SORBS2: variants seen among roughly 807,000 people sequenced by gnomAD.
SORBS2 encodes the protein sorbin and SH3 domain containing 2, also known as sorbin and SH3 domain-containing protein 2.
SORBS2 carries 46 observed loss-of-function variants against 97.7 expected under a neutral mutation model. The observed-to-expected ratio is 0.47, with a 90% CI of 0.37 to 0.60. SORBS2 has a LOEUF of 0.60. SORBS2 is among the 20% of genes least tolerant of loss of function. The pLI is 0.00. For synonymous variants in SORBS2, 476 were observed against 473.4 expected (o/e 1.01, Z -0.07); for missense variants, 1,316 against 1,282.3 (o/e 1.03, Z -0.40).
At chr4:185,661,269 C>A (rs1048276401), upstream of SORBS2, among the ~76,000 whole-genome samples, 38 of 116,316 alleles carry the variant, frequency 3.3e-4, no homozygotes, top group African/African-American at 1.1e-3. Flanking sequence ...GAGTGAGACT[C>A]CATCTTGAAA....
chr4:185,646,934 C>A (rs1004616868), intron 3 of SORBS2, 152 bp from the exon 13 acceptor site: 2 of 601,328 alleles, frequency 3.3e-6, no homozygotes, highest in Non-Finnish European at 5.9e-6. Context: ...ATACCACATT[C>A]CCCCGCCACT....
Position 185,928,670 on chromosome 4 carries a change from C to T in SORBS2, c.-338+27526G>A, listed in dbSNP as rs192072424. Among the ~76,000 whole-genome samples the T allele has an allele frequency of 3.9e-3, 590 of 152,168 alleles. 3 individuals are homozygous for T. The highest frequency in any genetic ancestry group is 6.1e-3 in the Non-Finnish European group (416 of 68,002). Reference sequence around the variant, plus strand: ...ATGCCATTCTCCTGCCTCATCCTCCCGAGTAGCTGGGACTACAGGCGCCTG... The same window carrying T: ...ATGCCATTCTCCTGCCTCATCCTCCTGAGTAGCTGGGACTACAGGCGCCTG... On this transcript the variant is annotated intron_variant, in intron 1 of 20. Transcript: ENST00000284776.
intron 2 of SORBS2, among the ~76,000 whole-genome samples, chr4:185,683,741 G>A (rs142695464): frequency 5.1e-4 from 77 of 152,204 alleles, no homozygotes; most frequent in African/African-American, 1.8e-3. Flanking sequence ...GTGGATTAGA[G>A]GTGGTGAACG....
At chr4:185,681,707 T>A (rs1469636656) in intron 2 of SORBS2, among the ~76,000 whole-genome samples, 2 of 152,208 alleles carry the variant, frequency 1.3e-5, no homozygotes, top group Non-Finnish European at 2.9e-5. Context: ...TTTCCTTGTG[T>A]CGAGGCACAA....
rs141803731 is a variant in SORBS2, at chr4:185,606,110, G to A, written c.2796+5670C>T. On this transcript the variant is annotated intron_variant, in intron 12 of 14. Transcript: ENST00000418609. This position sits in a 1 kb window ranked among gnomAD's most constrained non-coding sequence, Gnocchi z 4.3. ...AGCATTATTATTTTTGCAAAGTGCC[G>A]TTATGTCAAAGGTATGGTGTACAGT... 2.7e-4 allele frequency: 264 copies of A among 985,326 alleles called. No homozygotes were observed. Among genetic ancestry groups the A allele is most frequent in the Admixed American group, 1.0e-3 (17 of 16,280 alleles). The allele number at this position is 985,326 out of a possible 1,614,324, so 61.0% of individuals were successfully genotyped here.
At chr4:185,890,176 C>T (rs192394590) in intron 1 of SORBS2, among the ~76,000 whole-genome samples, 1 of 152,174 alleles carries the variant, frequency 6.6e-6, no homozygotes, top group Non-Finnish European at 1.5e-5. Flanking sequence ...TGTGAGCCAC[C>T]GCACCTGGAC....
intron 1 of SORBS2, among the ~76,000 whole-genome samples, chr4:185,879,190 C>T (rs1469727345): frequency 7.5e-6 from 1 of 132,962 alleles, no homozygotes; most frequent in Non-Finnish European, 1.6e-5. Context: ...CCACGACAGG[C>T]CCCGGTGTGT....
At chr4:185,868,546 C>T (rs370887422) in intron 1 of SORBS2, among the ~76,000 whole-genome samples, 3 of 151,966 alleles carry the variant, frequency 2.0e-5, no homozygotes, top group Admixed American at 2.0e-4. Context: ...AGGGAAAAAA[C>T]GAAGACGACA....
intron 4 of SORBS2, among the ~76,000 whole-genome samples, chr4:185,633,976 T>C (rs2096951604): frequency 6.6e-6 from 1 of 152,200 alleles, no homozygotes; most frequent in South Asian, 2.1e-4. Context: ...CTGCAGATAT[T>C]AAGGTAACAT....
rs910628783 is a variant in SORBS2 at position 185,944,275 on chromosome 4, C to T, written c.-338+11921G>A. ...GGCCCCAAATAGAGATGAGAAGCAC[C>T]CACTTAAAGCCACTGTGTGGCCACT... is the stretch of plus-strand genomic sequence containing the variant. On this transcript the variant is annotated intron_variant, in intron 1 of 20. Transcript: ENST00000284776. Among the ~76,000 whole-genome samples the T allele has an allele frequency of 2.0e-5, 3 of 152,118 alleles. No homozygotes were observed. In the East Asian group the frequency reaches 5.8e-4, roughly 29 times the overall value.
chr4:185,944,145 C>G (rs1363816095), intron 1 of SORBS2, among the ~76,000 whole-genome samples: 1 of 152,162 alleles, frequency 6.6e-6, no homozygotes, highest in Non-Finnish European at 1.5e-5. Flanking sequence ...ATATGCTTCA[C>G]ACAGGAAAGC....
chr4:185,866,582 A>G (rs774624963), intron 1 of SORBS2, among the ~76,000 whole-genome samples: 15 of 152,208 alleles, frequency 9.9e-5, no homozygotes, highest in Non-Finnish European at 1.8e-4. Flanking sequence ...TTTAGTTCAA[A>G]TCATTAGAAA....
At chr4:185,792,072 T>G (rs549754677) in intron 1 of SORBS2, among the ~76,000 whole-genome samples, 1 of 152,342 alleles carries the variant, frequency 6.6e-6, no homozygotes, top group Admixed American at 6.5e-5. Context: ...GGTTAAAAAT[T>G]TGTTTTCTAT....
In SORBS2 at chr4:185,607,327, G is replaced by A. The variant is rs1259845615; in HGVS notation, c.2796+4453C>T. On this transcript the variant is annotated intron_variant, in intron 12 of 14. Transcript: ENST00000418609. The surrounding 1 kb of genome is among the most constrained non-coding windows in gnomAD (Gnocchi z 5.2). ...AGGTGAGACTTTGTGGGTGGGAGGA[G>A]GGGCTGGTTCACTGGAAGCCAACTT... 4.7e-6 allele frequency: 6 copies of A among 1,287,010 alleles called. No homozygotes were observed. The highest frequency in any genetic ancestry group is 1.2e-5 in the South Asian group (1 of 80,924). 79.7% of individuals were successfully genotyped at this position (1,287,010 alleles called of 1,614,324 possible).
intron 1 of SORBS2, among the ~76,000 whole-genome samples, chr4:185,889,414 T>G (rs2099241348): frequency 1.3e-5 from 2 of 152,280 alleles, no homozygotes; most frequent in South Asian, 4.1e-4. Context: ...CTAAATCATT[T>G]CTAACCTGGT....
intron 12 of SORBS2, among the ~76,000 whole-genome samples, chr4:185,596,716 G>C (rs931681941): frequency 6.6e-6 from 1 of 151,830 alleles, no homozygotes; most frequent in African/African-American, 2.4e-5. Flanking sequence ...TGTATTTTTA[G>C]TAGAGACAGG....
chr4:185,885,332 C>T (rs1000381821), intron 1 of SORBS2, among the ~76,000 whole-genome samples: 1 of 152,174 alleles, frequency 6.6e-6, no homozygotes, highest in Non-Finnish European at 1.5e-5. Context: ...CCCCCGGGCA[C>T]CTGCTGTCTT....
At chr4:185,680,233 T>C (rs892235390) in intron 2 of SORBS2, among the ~76,000 whole-genome samples, 1 of 152,352 alleles carries the variant, frequency 6.6e-6, no homozygotes, top group Admixed American at 6.5e-5. Flanking sequence ...GTCCTTGAAA[T>C]AGTGGGCTCA....
At chr4:185,780,158 G>A (rs1312768661) in intron 1 of SORBS2, among the ~76,000 whole-genome samples, 2 of 151,972 alleles carry the variant, frequency 1.3e-5, no homozygotes, top group Admixed American at 6.5e-5. Context: ...TGGGATTACA[G>A]GCATGCATCA....
Sources: allele counts gnomAD v4.1 joint callset (sites outside exome capture counted in the v4.1 genomes callset), GRCh38; gene constraint gnomAD v4.1.1; non-coding constraint Gnocchi (gnomAD v3.1); transcripts MANE v1.5; gene names NCBI Gene and HGNC (gene_info 2026-07-23, HGNC 2026-07-21).